TVP23B: variants seen among roughly 807,000 people sequenced by gnomAD.
The protein encoded by TVP23B is Golgi apparatus membrane protein TVP23 homolog B.
In TVP23B, 10 loss-of-function variants were observed where a neutral mutation model predicts 30.6. That is an observed-to-expected ratio of 0.33 (90% CI 0.20 to 0.55). The LOEUF (loss-of-function observed/expected upper bound fraction) is 0.55. Among genes scored for constraint, TVP23B ranks in the 20% least tolerant of loss-of-function variants. TVP23B has a pLI of 0.91. For synonymous variants in TVP23B, 67 were observed against 83.1 expected (o/e 0.81, Z 1.06); for missense variants, 153 against 243.2 (o/e 0.63, Z 2.47).
chr17:18,806,217 T>G lies in TVP23B; in HGVS notation c.*650T>G. On this transcript the variant is annotated 3_prime_UTR_variant, in exon 7 of 7. Transcript: ENST00000307767. ...TAATATAAGTGGAATCATCATAGTT[T>G]AAGGAATACCCAGAGATTGCTGCTG... 1.1e-6 allele frequency: 1 copy of G among 931,192 alleles called. No individual in the cohort carries two copies. Among genetic ancestry groups the G allele is most frequent in the Non-Finnish European group, 1.3e-6 (1 of 780,428 alleles). 57.7% of individuals were successfully genotyped at this position (931,192 alleles called of 1,614,324 possible). A position where few individuals can be genotyped will look rare whatever the true frequency, so the allele number is the denominator to read the frequency against.
intron 1 of TVP23B, among the ~76,000 whole-genome samples, chr17:18,784,506 G>C (rs1438851350): frequency 6.6e-6 from 1 of 152,188 alleles, no homozygotes; most frequent in Admixed American, 6.5e-5. Flanking sequence ...TTACCTGGGG[G>C]TGGTGGCATG....
chr17:18,792,459 T>C (rs369814542), intron 3 of TVP23B, among the ~76,000 whole-genome samples: 103 of 152,366 alleles, frequency 6.8e-4, no homozygotes, highest in African/African-American at 2.0e-3. Flanking sequence ...TGTTGTCCAG[T>C]CTTCTTTGGC....
intron 3 of TVP23B, among the ~76,000 whole-genome samples, chr17:18,791,474 A>G (rs2035993749): frequency 6.6e-6 from 1 of 151,722 alleles, no homozygotes; most frequent in Non-Finnish European, 1.5e-5. Flanking sequence ...TACCTTTTGA[A>G]AAGGCTCCTA....
At chr17:18,797,789 A>C (rs2036098695) in intron 4 of TVP23B, 121 bp downstream of exon 4, 2 of 889,888 alleles carry the variant, frequency 2.2e-6, no homozygotes. Context: ...TTGGCATGTC[A>C]GCACTAAAGG....
intron 2 of TVP23B, among the ~76,000 whole-genome samples, chr17:18,790,636 T>C (rs1158213522): frequency 6.6e-6 from 1 of 152,190 alleles, no homozygotes; most frequent in African/African-American, 2.4e-5. Flanking sequence ...TTCTTTATTA[T>C]CTATTTTGTG....
At chr17:18,798,133 G>GC (rs1285020232) in intron 4 of TVP23B, among the ~76,000 whole-genome samples, 6 of 152,236 alleles carry the variant, frequency 3.9e-5, no homozygotes, top group Non-Finnish European at 5.9e-5. Context: ...GCCTTCAGGA[G>GC]CCCTGGGGAT....
At chr17:18,790,503 A>G (rs1192994384) in intron 2 of TVP23B, among the ~76,000 whole-genome samples, 2 of 151,568 alleles carry the variant, frequency 1.3e-5, no homozygotes, top group African/African-American at 4.8e-5. Flanking sequence ...GAAACAAACT[A>G]CCTGATAACT....
intron 1 of TVP23B, chr17:18,782,664 G>A (rs1309576348): frequency 6.6e-6 from 1 of 152,232 alleles, no homozygotes; most frequent in Non-Finnish European, 1.5e-5. Context: ...TTTCTTAGTG[G>A]TATGGTTAAC....
In TVP23B at chr17:18,805,818, T is replaced by G; in HGVS notation, c.*251T>G. On this transcript the variant is annotated 3_prime_UTR_variant, in exon 7 of 7. Transcript: ENST00000307767. ...TTGTTCTGTGGTGTAGGTATGCACATTCCATAGGTATGCACACGGCCATGT... is the reference window on the plus strand; with the variant it reads ...TTGTTCTGTGGTGTAGGTATGCACAGTCCATAGGTATGCACACGGCCATGT... 1 of 1,350,106 alleles carries G rather than the reference T, an allele frequency of 7.4e-7. No homozygotes were observed. Among genetic ancestry groups the G allele is most frequent in the Non-Finnish European group, 9.5e-7 (1 of 1,050,876 alleles). The allele number at this position is 1,350,106 out of a possible 1,614,324, so 83.6% of individuals were successfully genotyped here. A position where few individuals can be genotyped will look rare whatever the true frequency, so the allele number is the denominator to read the frequency against.
intron 1 of TVP23B, among the ~76,000 whole-genome samples, chr17:18,786,779 A>G (rs1204665272): frequency 1.3e-5 from 2 of 151,518 alleles, no homozygotes; most frequent in Admixed American, 1.3e-4. Context: ...CGCATCCATC[A>G]CTTACTGCAT....
intron 1 of TVP23B, among the ~76,000 whole-genome samples, chr17:18,786,769 C>T (rs1272325817): frequency 2.6e-5 from 4 of 151,836 alleles, no homozygotes; most frequent in Non-Finnish European, 5.9e-5. Context: ...AGGAGCTTCT[C>T]GCATCCATCA....
In TVP23B at chr17:18,789,360, A is replaced by G. The variant is rs758616988; in HGVS notation, c.20A>G (p.Asn7Ser). 3 of 1,613,976 alleles carry G rather than the reference A, an allele frequency of 1.9e-6. No individual in the cohort carries two copies. Among genetic ancestry groups the G allele is most frequent in the Non-Finnish European group, 2.5e-6 (3 of 1,179,866 alleles). ...ATTTATTTTTCCTACCAGGATAGTA[A>G]TGATGACACTGAAGATGTTTCACTG... is the stretch of plus-strand genomic sequence containing the variant. MLQQDS[N>S]DDTEDVSLFD... The change falls in exon 2 of 7, where the codon AAT becomes AGT. Residue 7 changes from asparagine (N) to serine (S), a missense_variant. Coordinates refer to ENST00000307767, the MANE Select transcript of TVP23B (RefSeq NM_016078.6).
At chr17:18,791,511 A>G (rs1261800259) in intron 3 of TVP23B, among the ~76,000 whole-genome samples, 11 of 151,972 alleles carry the variant, frequency 7.2e-5, no homozygotes, top group African/African-American at 2.7e-4. Context: ...GTGTTTCTCA[A>G]CCAGAGACAA....
At chr17:18,789,264 T>C (rs1405519063) in intron 1 of TVP23B, 89 bp from the exon 2 acceptor site, 13 of 1,529,760 alleles carry the variant, frequency 8.5e-6, no homozygotes, top group South Asian at 4.7e-5. Context: ...TTTTATCTTC[T>C]ATTTTGATGA....
At position 18,805,657 on chromosome 17, in the gene TVP23B, A is replaced by T; in HGVS notation, c.*90A>T. 6.6e-7 allele frequency: 1 copy of T among 1,511,564 alleles called. No individual in the cohort carries two copies. Among genetic ancestry groups the T allele is most frequent in the Non-Finnish European group, 8.8e-7 (1 of 1,130,352 alleles). The allele number at this position is 1,511,564 out of a possible 1,614,324, so 93.6% of individuals were successfully genotyped here. On this transcript the variant is annotated 3_prime_UTR_variant, in exon 7 of 7. Transcript: ENST00000307767. ...TTAGAGCTTAGTCCATGTTGCAACG[A>T]GGAGTGTTGGCTTTGTTTTTCCACT...
At chr17:18,786,555 A>G (rs1285130559) in intron 1 of TVP23B, among the ~76,000 whole-genome samples, 11 of 152,208 alleles carry the variant, frequency 7.2e-5, no homozygotes, top group Non-Finnish European at 1.5e-4. Context: ...TCATAACATC[A>G]TACGGTGGAT....
In TVP23B at chr17:18,787,934, G is replaced by A. The variant is rs1056732585; in HGVS notation, c.13-1419G>A. ...AATGTAAAGGAGAGGCTGGAATAGAGAGGGATAAAGGCAGGGAGGCTGGTG... is the reference window on the plus strand; with the variant it reads ...AATGTAAAGGAGAGGCTGGAATAGAAAGGGATAAAGGCAGGGAGGCTGGTG... On this transcript the variant is annotated intron_variant, in intron 1 of 6. Transcript: ENST00000307767. 4.6e-5 allele frequency among the ~76,000 whole-genome samples: 7 copies of A among 152,278 alleles called. No homozygotes were observed. In the South Asian group the frequency reaches 6.2e-4, roughly 14 times the overall value.
At chr17:18,782,941 C>T (rs1422920575) in intron 1 of TVP23B, among the ~76,000 whole-genome samples, 1 of 151,078 alleles carries the variant, frequency 6.6e-6, no homozygotes. Context: ...GGGAATGCAG[C>T]CCAGTAGGTT....
intron 2 of TVP23B, chr17:18,789,651 C>A (rs2035962087): frequency 3.9e-6 from 2 of 510,898 alleles, no homozygotes; most frequent in East Asian, 6.2e-5. Flanking sequence ...ATCAGCAAAT[C>A]CAATTATTTG....
Sources: gnomAD v4.1 joint callset for allele counts (sites outside exome capture counted in the v4.1 genomes callset) on GRCh38, gnomAD v4.1.1 for gene constraint, MANE v1.5 for transcripts, NCBI Gene and HGNC (gene_info 2026-07-23, HGNC 2026-07-21) for gene names.